SPOCK1: variants seen among roughly 807,000 people sequenced by gnomAD.
The protein encoded by SPOCK1 is testican-1.
SPOCK1 carries 23 observed loss-of-function variants against 55.3 expected under a neutral mutation model. That is an observed-to-expected ratio of 0.42 (90% confidence interval 0.30 to 0.59). The LOEUF is 0.59. SPOCK1 is among the 20% of genes least tolerant of loss of function. SPOCK1 has a pLI of 0.22. For synonymous variants in SPOCK1, 226 were observed against 221.0 expected (o/e 1.02, Z -0.20); for missense variants, 499 against 552.5 (o/e 0.90, Z 0.97).
chr5:136,987,005 A>AAAAC (rs1750854353), intron 8 of SPOCK1, among the ~76,000 whole-genome samples: 1 of 152,020 alleles, frequency 6.6e-6, no homozygotes, highest in Admixed American at 6.6e-5. Context: ...ACCAGGTAGT[A>AAAAC]AAACATATTG....
chr5:137,269,292 AG>A (rs1231971209), intron 2 of SPOCK1, among the ~76,000 whole-genome samples: 2 of 152,232 alleles, frequency 1.3e-5, no homozygotes, highest in East Asian at 3.8e-4. Flanking sequence ...CAAGCAGGGA[AG>A]AAAAATGATT....
At chr5:137,284,996 C>T (rs545086634) in intron 2 of SPOCK1, among the ~76,000 whole-genome samples, 2 of 152,306 alleles carry the variant, frequency 1.3e-5, no homozygotes, top group Admixed American at 1.3e-4. Flanking sequence ...CTGGGGAGGG[C>T]CAGTTCTCAA....
At chr5:137,000,030 G>C (rs140270982) in intron 6 of SPOCK1, among the ~76,000 whole-genome samples, 1 of 152,134 alleles carries the variant, frequency 6.6e-6, no homozygotes, top group Non-Finnish European at 1.5e-5. Flanking sequence ...TCACCAATGC[G>C]ATCTCAGGGC....
intron 2 of SPOCK1, among the ~76,000 whole-genome samples, chr5:137,490,267 C>T (rs1399150697): frequency 6.6e-6 from 1 of 152,206 alleles, no homozygotes. Flanking sequence ...AGAACTGGGT[C>T]TTTGGAGAGA....
chr5:137,046,742 T>G, intron 6 of SPOCK1, among the ~76,000 whole-genome samples: 1 of 37,706 alleles, frequency 2.7e-5, no homozygotes, highest in African/African-American at 7.5e-5. Context: ...TGCTTCCAGT[T>G]TTTGCCCATT....
At chr5:137,034,961 G>T (rs891450537) in intron 6 of SPOCK1, among the ~76,000 whole-genome samples, 1 of 152,184 alleles carries the variant, frequency 6.6e-6, no homozygotes, top group African/African-American at 2.4e-5. Flanking sequence ...CCCAGCCTTG[G>T]TGGGGGTGGG....
intron 2 of SPOCK1, among the ~76,000 whole-genome samples, chr5:137,310,581 G>A (rs1375906495): frequency 3.3e-5 from 5 of 152,170 alleles, no homozygotes; most frequent in South Asian, 2.1e-4. Context: ...TTTCTGTGAC[G>A]AAAGGAGAAT....
intron 2 of SPOCK1, among the ~76,000 whole-genome samples, chr5:137,327,627 A>C (rs982135957): frequency 6.6e-6 from 1 of 152,224 alleles, no homozygotes; most frequent in Non-Finnish European, 1.5e-5. Context: ...AGGCCAGTAC[A>C]TTCTTGAAAC....
chr5:137,008,543 C>G (rs1322488385), intron 6 of SPOCK1, among the ~76,000 whole-genome samples: 5 of 152,146 alleles, frequency 3.3e-5, no homozygotes, highest in African/African-American at 1.2e-4. Context: ...ATACAGTTAA[C>G]CAGGAACTAC....
intron 2 of SPOCK1, among the ~76,000 whole-genome samples, chr5:137,459,148 A>C (rs1753427157): frequency 6.6e-6 from 1 of 152,198 alleles, no homozygotes; most frequent in Non-Finnish European, 1.5e-5. Flanking sequence ...GCTCAAACTG[A>C]GTGGGTGAGG....
intron 6 of SPOCK1, among the ~76,000 whole-genome samples, chr5:137,000,233 A>T (rs1398457071): frequency 2.0e-5 from 3 of 152,196 alleles, no homozygotes; most frequent in African/African-American, 7.2e-5. Context: ...GTGAATAATT[A>T]CTTAATCAGA....
intron 2 of SPOCK1, among the ~76,000 whole-genome samples, chr5:137,397,402 A>G (rs797003894): frequency 4.2e-4 from 64 of 152,320 alleles, no homozygotes; most frequent in African/African-American, 1.5e-3. Context: ...ATTTCTATCA[A>G]ACAGAGCTTT....
chr5:136,979,252 C>G, intron 10 of SPOCK1, 80 bp downstream of exon 10: 2 of 1,578,066 alleles, frequency 1.3e-6, no homozygotes, highest in Non-Finnish European at 1.7e-6. Context: ...TCTCAACATT[C>G]TTCTGCAGAG....
chr5:137,146,580 G>C (rs558754978), intron 3 of SPOCK1, among the ~76,000 whole-genome samples: 1 of 152,178 alleles, frequency 6.6e-6, no homozygotes, highest in Non-Finnish European at 1.5e-5. Context: ...TGAAAACCTC[G>C]TCAAGCTATG....
chr5:137,426,902 G>T (rs1452196009), intron 2 of SPOCK1, among the ~76,000 whole-genome samples: 1 of 152,180 alleles, frequency 6.6e-6, no homozygotes, highest in Non-Finnish European at 1.5e-5. Context: ...GCTGTATGTG[G>T]CACAGAGTGA....
At chr5:137,119,299 T>C (rs780206402) in intron 4 of SPOCK1, among the ~76,000 whole-genome samples, 4 of 152,264 alleles carry the variant, frequency 2.6e-5, no homozygotes, top group Non-Finnish European at 5.9e-5. Flanking sequence ...CTAAAGCAGA[T>C]AGTTAACATA....
chr5:137,090,277 G>C (rs985267), intron 5 of SPOCK1, among the ~76,000 whole-genome samples: 57,874 of 152,110 alleles, frequency 0.38, 12,255 homozygotes, highest in Non-Finnish European at 0.48. Flanking sequence ...AAACTGCTAC[G>C]TAATTTCTAA....
intron 2 of SPOCK1, among the ~76,000 whole-genome samples, chr5:137,477,163 C>G (rs1753852654): frequency 6.6e-6 from 1 of 152,126 alleles, no homozygotes; most frequent in Admixed American, 6.5e-5. Flanking sequence ...AAAGTATATG[C>G]CATGACCCAG....
intron 2 of SPOCK1, among the ~76,000 whole-genome samples, chr5:137,429,647 A>C (rs1752703766): frequency 2.0e-5 from 3 of 152,236 alleles, no homozygotes; most frequent in Non-Finnish European, 1.5e-5. Flanking sequence ...TAGAAAAGGA[A>C]AGGGGATTTC....
Sources: allele counts gnomAD v4.1 joint callset (sites outside exome capture counted in the v4.1 genomes callset), GRCh38; gene constraint gnomAD v4.1.1; transcripts MANE v1.5; gene names NCBI Gene and HGNC (gene_info 2026-07-23, HGNC 2026-07-21).